SYNE2: variants seen among roughly 807,000 people sequenced by gnomAD.
The protein encoded by SYNE2 is nesprin-2.
Under a neutral mutation model 856.3 loss-of-function variants are expected in SYNE2, and 431 were observed. The observed-to-expected ratio is 0.50, with a 90% CI of 0.47 to 0.55. The LOEUF is 0.55. SYNE2 is among the 20% of genes least tolerant of loss of function. The pLI is 0.00. For missense variants in SYNE2, 8,129 were observed against 8,023.2 expected, an observed-to-expected ratio of 1.01 and a Z score of -0.50; for synonymous variants, 2,923 against 2,872.3, an observed-to-expected ratio of 1.02 and a Z score of -0.56.
chr14:64,015,187 T>C (rs937662823), intron 32 of SYNE2, among the ~76,000 whole-genome samples: 2 of 151,270 alleles, frequency 1.3e-5, no homozygotes, highest in Non-Finnish European at 3.0e-5. Flanking sequence ...TCTTTTTTGG[T>C]ACTGTAAAAC....
Position 64,158,751 on chromosome 14 carries a change from G to A in SYNE2, c.15919G>A (p.Val5307Met). Residue 5307 changes from valine to methionine, a missense_variant, in exon 86 of 116, where the codon GTG becomes ATG. Transcript: ENST00000555002. ...CTGCATGGAACACAGCAAGCCTGTG[G>A]TGTTATCATTGGAGACCTTGAGATG... ...WYCMEHSKPV[V>M]LSLETLRCQV... 1.2e-6 allele frequency: 2 copies of A among 1,613,976 alleles called. No homozygotes were observed. Among genetic ancestry groups the A allele is most frequent in the Middle Eastern group, 1.6e-4 (1 of 6,062 alleles).
rs2096969787 is a variant in SYNE2, at chr14:64,025,391, G to A, written c.6222G>A (p.Met2074Ile). ...LMVLNSSEGK[M>I]PLEERIQKIK... The stretch of plus-strand genomic sequence containing the variant: ...TTTTGAATTCATCCGAAGGCAAAAT[G>A]CCACTTGAGGAAAGAATCCAAAAAA... Residue 2074 changes from methionine to isoleucine, a missense_variant, in exon 41 of 116, where the codon ATG becomes ATA. This residue lies in a region of SYNE2 where 297 missense variants were observed against 380.9 expected (regional missense o/e 0.78). Transcript: ENST00000555002. 6.2e-7 allele frequency: 1 copy of A among 1,613,176 alleles called. No homozygotes were observed. Among genetic ancestry groups the A allele is most frequent in the South Asian group, 1.1e-5 (1 of 91,038 alleles).
chr14:64,022,878 T>C lies in SYNE2; in HGVS notation c.5637+15T>C, dbSNP rs762477070. On this transcript the variant is annotated intron_variant, in intron 38 of 115. Transcript: ENST00000555002. ...AAAAACTTTCTGTAAGAGATATATG[T>C]GTATTTTTAATAAAAATTTTCAATA... The C allele has an allele frequency of 7.2e-7, 1 of 1,380,316 alleles. No individual in the cohort carries two copies. The allele number at this position is 1,380,316 out of a possible 1,614,324, so 85.5% of individuals were successfully genotyped here.
At chr14:64,122,214 C>T in intron 69 of SYNE2, 72 bp from the exon 70 acceptor site, 1 of 1,613,830 alleles carries the variant, frequency 6.2e-7, no homozygotes, top group Non-Finnish European at 8.5e-7. Flanking sequence ...AAAAATTGCT[C>T]ATAGAACTGT....
chr14:63,991,165 A>G (rs750050776), intron 21 of SYNE2, 50 bp downstream of exon 21: 2 of 1,564,680 alleles, frequency 1.3e-6, no homozygotes, highest in Non-Finnish European at 1.8e-6. Context: ...TTAACTGCCT[A>G]TCTTGTTTGA....
intron 1 of SYNE2, among the ~76,000 whole-genome samples, chr14:63,907,606 A>G (rs1478003852): frequency 6.6e-6 from 1 of 152,116 alleles, no homozygotes; most frequent in Non-Finnish European, 1.5e-5. Context: ...AATAGCGATG[A>G]CATGGAATAG....
At chr14:63,959,821 T>C (rs987198272) in intron 8 of SYNE2, among the ~76,000 whole-genome samples, 1 of 152,194 alleles carries the variant, frequency 6.6e-6, no homozygotes, top group African/African-American at 2.4e-5. Flanking sequence ...TCTTATATTA[T>C]GATTCTCCAA....
chr14:63,978,025 A>G lies in SYNE2; in HGVS notation c.1406+8A>G, dbSNP rs1419655505. 1 of 1,553,790 alleles carries G rather than the reference A, an allele frequency of 6.4e-7. No individual in the cohort carries two copies. The highest frequency in any genetic ancestry group is 1.1e-5 in the South Asian group (1 of 89,902). On this transcript the variant is annotated splice_region_variant and intron_variant, in intron 13 of 115. Coordinates refer to ENST00000555002, the MANE Select transcript of SYNE2 (RefSeq NM_182914.3). ...GGAGGAAATGAAAAGACGGTGTGTA[A>G]CACTACCATTTCACAGCTGCTGTCA...
At chr14:63,913,065 C>CTGG (rs1302153873) in intron 2 of SYNE2, among the ~76,000 whole-genome samples, 1 of 152,102 alleles carries the variant, frequency 6.6e-6, no homozygotes, top group Non-Finnish European at 1.5e-5. Context: ...TCCCAAGTAG[C>CTGG]TGGTACTACA....
intron 34 of SYNE2, among the ~76,000 whole-genome samples, chr14:64,018,909 T>C (rs1440376775): frequency 2.0e-5 from 3 of 152,254 alleles, no homozygotes; most frequent in Non-Finnish European, 4.4e-5. Flanking sequence ...ATCAAAGTTA[T>C]TTCTCTTTCA....
chr14:64,221,723 GCT>G lies in SYNE2; in HGVS notation c.20190+22_20190+23del. 6.2e-7 allele frequency: 1 copy of G among 1,613,004 alleles called. No individual in the cohort carries two copies. Among genetic ancestry groups the G allele is most frequent in the Non-Finnish European group, 8.5e-7 (1 of 1,179,466 alleles). ...ACTAATGGTAAGTTTCCTCCCAAGG[GCT>G]CTGTACTGCCACCAGCCTCTGTCAG... On this transcript the variant is annotated intron_variant, in intron 112 of 115. Transcript: ENST00000555002.
At chr14:64,136,427 G>C (rs1017305056) in intron 78 of SYNE2, among the ~76,000 whole-genome samples, 4 of 151,830 alleles carry the variant, frequency 2.6e-5, no homozygotes, top group African/African-American at 7.3e-5. Flanking sequence ...CAGACACGGG[G>C]GGGAGGGGAT....
Position 64,003,017 on chromosome 14 carries a change from A to C in SYNE2, c.4084A>C (p.Asn1362His), listed in dbSNP as rs2062915867. ...ACAAGAAAATACGTTGACAGTAAAA[A>C]ATAAAGAGGGAGAAATTCATCTGAT... ...VAQENTLTVK[N>H]KEGEIHLMKD... is the part of the protein sequence containing the mutation. The change falls in exon 30 of 116, where the codon AAT becomes CAT. Residue 1362 changes from asparagine (N) to histidine (H), a missense_variant. Asn to His is a moderately conservative substitution (Grantham distance 68). This residue lies in a region of SYNE2 where 2,422 missense variants were observed against 2,357.4 expected (regional missense o/e 1.03). Transcript: ENST00000555002. 1 of 1,614,222 alleles carries C rather than the reference A, an allele frequency of 6.2e-7. No individual in the cohort carries two copies.
intron 66 of SYNE2, among the ~76,000 whole-genome samples, chr14:64,119,023 A>C (rs1018489029): frequency 6.6e-6 from 1 of 152,116 alleles, no homozygotes; most frequent in African/African-American, 2.4e-5. Flanking sequence ...TTCATTTTAC[A>C]GACTACTAGA....
intron 28 of SYNE2, among the ~76,000 whole-genome samples, chr14:64,000,934 G>C (rs969267174): frequency 6.6e-6 from 1 of 152,202 alleles, no homozygotes; most frequent in African/African-American, 2.4e-5. Context: ...CACACTGCTA[G>C]CTAGAAACTT....
chr14:64,178,659 A>G (rs1022063254), intron 96 of SYNE2, among the ~76,000 whole-genome samples: 3 of 152,124 alleles, frequency 2.0e-5, no homozygotes, highest in Non-Finnish European at 4.4e-5. Context: ...GGGTTTTGCC[A>G]TGTTGCCCAG....
chr14:63,904,126 A>G (rs2153337375), intron 1 of SYNE2, among the ~76,000 whole-genome samples: 1 of 152,296 alleles, frequency 6.6e-6, no homozygotes, highest in South Asian at 2.1e-4. Context: ...CTCCAGCTCC[A>G]TCCATGTTGC....
Position 64,027,619 on chromosome 14 carries a change from T to C in SYNE2, c.6540T>C (p.Ala2180=). 6.2e-7 allele frequency: 1 copy of C among 1,614,094 alleles called. No homozygotes were observed. Among genetic ancestry groups the C allele is most frequent in the Non-Finnish European group, 8.5e-7 (1 of 1,179,996 alleles). ...ALQHGLQEKK[A]QLKIYKKFLK... ...AACATGGTCTGCAGGAGAAGAAAGC[T>C]CAGTTAAAGATTTATAAGAAATTCC... The change falls in exon 43 of 116, where the codon GCT becomes GCC. Residue 2180 remains alanine (A), a synonymous_variant. Coordinates refer to ENST00000555002, the MANE Select transcript of SYNE2 (RefSeq NM_182914.3).
chr14:63,984,013 A>G, intron 18 of SYNE2, 127 bp downstream of exon 18: 2 of 669,760 alleles, frequency 3.0e-6, no homozygotes, highest in Non-Finnish European at 5.0e-6. Flanking sequence ...AGGACAAAAC[A>G]GGTGGATGGC....
Sources: allele counts gnomAD v4.1 joint callset (sites outside exome capture counted in the v4.1 genomes callset), GRCh38; gene constraint gnomAD v4.1.1; regional missense constraint gnomAD v4.1.1; transcripts MANE v1.5; gene names NCBI Gene and HGNC (gene_info 2026-07-23, HGNC 2026-07-21).